The following ENTPD1 variants were observed in gnomAD, a reference collection of about 807,000 sequenced individuals.
The protein encoded by ENTPD1 is ATP diphosphohydrolase.
ENTPD1 carries 33 observed loss-of-function variants against 57.0 expected under a neutral mutation model. The ratio of observed to expected loss-of-function variants is 0.58; its 90% CI spans 0.44 to 0.77. The LOEUF (loss-of-function observed/expected upper bound fraction) is 0.77. Ranked by LOEUF, ENTPD1 falls within the 30% of genes least tolerant of loss-of-function variation. ENTPD1 has a pLI of 0.00. For missense variants in ENTPD1, 501 were observed against 603.4 expected (o/e 0.83, Z 1.78); for synonymous variants, 202 against 218.8 (o/e 0.92, Z 0.68).
chr10:95,808,292 T>C (rs1043440513), intron 1 of ENTPD1, among the ~76,000 whole-genome samples: 1 of 152,206 alleles, frequency 6.6e-6, no homozygotes, highest in Non-Finnish European at 1.5e-5. Context: ...TGGATAAGCT[T>C]TTTGATGTGC....
At chr10:95,795,646 A>G (rs1215477341) in intron 1 of ENTPD1, among the ~76,000 whole-genome samples, 3 of 152,204 alleles carry the variant, frequency 2.0e-5, no homozygotes, top group Admixed American at 2.0e-4. Context: ...TTACGTCTTT[A>G]AAATTTTATC....
chr10:95,872,526 G>A lies in ENTPD1; in HGVS notation c.*6143G>A, dbSNP rs2141030524. 1.0e-6 allele frequency: 1 copy of A among 985,078 alleles called. No homozygotes were observed. The highest frequency in any genetic ancestry group is 4.7e-5 in the South Asian group (1 of 21,278). The allele number at this position is 985,078 out of a possible 1,614,324, so 61.0% of individuals were successfully genotyped here. ...TGTGAAGCCTTCTCCAAATTTCCAA[G>A]TCAGAATGTCTCTTCCTTGTGCTAC... On this transcript the variant is annotated 3_prime_UTR_variant, in exon 10 of 10. Transcript: ENST00000371205.
chr10:95,863,795 C>T (rs934758716), intron 8 of ENTPD1, among the ~76,000 whole-genome samples: 2 of 152,316 alleles, frequency 1.3e-5, no homozygotes, highest in East Asian at 1.9e-4. Flanking sequence ...CCAGATGGTA[C>T]ATGATGCATG....
the ENTPD1 span, among the ~76,000 whole-genome samples, chr10:95,700,875 C>T: frequency 6.6e-6 from 1 of 151,860 alleles, no homozygotes; most frequent in South Asian, 2.1e-4. Context: ...TCACTGCAGC[C>T]TCCACCTCCC....
chr10:95,738,912 T>C (rs960161831), intron 1 of ENTPD1, among the ~76,000 whole-genome samples: 2 of 152,210 alleles, frequency 1.3e-5, no homozygotes, highest in Admixed American at 1.3e-4. Flanking sequence ...TATACACAGG[T>C]ATACTTCAGA....
intron 1 of ENTPD1, among the ~76,000 whole-genome samples, chr10:95,738,569 G>T (rs964697347): frequency 1.3e-5 from 2 of 152,068 alleles, no homozygotes; most frequent in Non-Finnish European, 2.9e-5. Flanking sequence ...GGCAAAATTC[G>T]TCAGAGAAAT....
At chr10:95,771,503 T>C (rs1012088085) in intron 1 of ENTPD1, among the ~76,000 whole-genome samples, 3 of 152,174 alleles carry the variant, frequency 2.0e-5, no homozygotes, top group African/African-American at 7.2e-5. Flanking sequence ...GGTGGCTGAG[T>C]GTGCCCAGTT....
At position 95,876,673 on chromosome 10, in the gene ENTPD1, A is replaced by G. The variant is rs2141044420; in HGVS notation, c.*10290A>G. 8.2e-7 allele frequency: 1 copy of G among 1,220,228 alleles called. No individual in the cohort carries two copies. The highest frequency in any genetic ancestry group is 3.2e-5 in the East Asian group (1 of 31,276). 75.6% of individuals were successfully genotyped at this position (1,220,228 alleles called of 1,614,324 possible). On this transcript the variant is annotated 3_prime_UTR_variant, in exon 10 of 10. Transcript: ENST00000371205. ...TGGACAGGCCATTCTAATAACAGAA[A>G]CAAACAAGTTATTTTAAAACTTATT...
At chr10:95,752,281 A>G (rs2098013246), upstream of ENTPD1, among the ~76,000 whole-genome samples, 1 of 152,200 alleles carries the variant, frequency 6.6e-6, no homozygotes, top group African/African-American at 2.4e-5. Context: ...AAGGTAGACC[A>G]TGGTCTCAAG....
At chr10:95,776,611 T>G (rs1474937031) in intron 1 of ENTPD1, among the ~76,000 whole-genome samples, 1 of 152,172 alleles carries the variant, frequency 6.6e-6, no homozygotes, top group East Asian at 1.9e-4. Flanking sequence ...ATTATGTGTC[T>G]TGGGGTTGCT....
At chr10:95,859,060 A>T (rs1455000128) in intron 7 of ENTPD1, among the ~76,000 whole-genome samples, 2 of 152,214 alleles carry the variant, frequency 1.3e-5, no homozygotes, top group African/African-American at 4.8e-5. Flanking sequence ...TTGGGACTGA[A>T]AGTGGAAGAA....
intron 1 of ENTPD1, among the ~76,000 whole-genome samples, chr10:95,764,843 C>T (rs1243814598): frequency 1.3e-5 from 2 of 151,708 alleles, no homozygotes; most frequent in East Asian, 3.9e-4. Context: ...CTGCCTCAGC[C>T]TCCGGAGTAG....
At chr10:95,854,816 G>A (rs372844526) in intron 7 of ENTPD1, among the ~76,000 whole-genome samples, 1 of 152,140 alleles carries the variant, frequency 6.6e-6, no homozygotes, top group Admixed American at 6.5e-5. Flanking sequence ...TATAATTTCT[G>A]TTCTTTTACA....
chr10:95,817,448 A>G (rs528056027), intron 1 of ENTPD1, among the ~76,000 whole-genome samples: 80 of 152,280 alleles, frequency 5.3e-4, no homozygotes, highest in African/African-American at 1.6e-3. Flanking sequence ...ACAGCCCCCA[A>G]TGGTTCCTTG....
intron 1 of ENTPD1, among the ~76,000 whole-genome samples, chr10:95,733,866 C>T (rs917808474): frequency 6.6e-6 from 1 of 152,106 alleles, no homozygotes; most frequent in African/African-American, 2.4e-5. Flanking sequence ...GCAAGCTTCC[C>T]TAAAGCAATA....
At chr10:95,762,862 AAAT>A (rs1249217052) in intron 1 of ENTPD1, among the ~76,000 whole-genome samples, 1 of 152,044 alleles carries the variant, frequency 6.6e-6, no homozygotes. Context: ...TTTTGTTTTT[AAAT>A]AATTTTATCA....
rs763475281 is a variant in ENTPD1, at chr10:95,873,553, T to G, written c.*7170T>G. On this transcript the variant is annotated 3_prime_UTR_variant, in exon 10 of 10. Transcript: ENST00000371205. ...GAAAGAGTAGGTAGGTTATGCCAGCTCACACGCATCCTTTAAAAATGGTTT... is the reference window on the plus strand; with the variant it reads ...GAAAGAGTAGGTAGGTTATGCCAGCGCACACGCATCCTTTAAAAATGGTTT... 4.2e-5 allele frequency: 41 copies of G among 985,354 alleles called. No individual in the cohort carries two copies. Among genetic ancestry groups the G allele is most frequent in the Non-Finnish European group, 4.9e-5 (41 of 829,962 alleles). The allele number at this position is 985,354 out of a possible 1,614,324, so 61.0% of individuals were successfully genotyped here.
Position 95,869,241 on chromosome 10 carries a change from C to CTTTTTTTTTTTTTTTTTTTTTTTT in ENTPD1, c.*2861_*2884dup, listed in dbSNP as rs11312564. 1.6e-6 allele frequency: 1 copy of CTTTTTTTTTTTTTTTTTTTTTTTT among 629,798 alleles called. No individual in the cohort carries two copies. The highest frequency in any genetic ancestry group is 1.8e-6 in the Non-Finnish European group (1 of 542,294). The allele number at this position is 629,798 out of a possible 1,614,324, so 39.0% of individuals were successfully genotyped here. On this transcript the variant is annotated 3_prime_UTR_variant, in exon 10 of 10. Transcript: ENST00000371205. ...GAAAAAAGATCAGCAGAAGTCATTA[C>CTTTTTTTTTTTTTTTTTTTTTTTT]TTTTTTTTTTTTTTTTTTTTTTTTT...
intron 1 of ENTPD1, among the ~76,000 whole-genome samples, chr10:95,780,452 AC>A (rs1333742423): frequency 1.3e-5 from 2 of 152,250 alleles, no homozygotes; most frequent in East Asian, 3.8e-4. Context: ...AACAGCAATG[AC>A]CTCAAGGTCT....
Sources: allele counts gnomAD v4.1 joint callset (sites outside exome capture counted in the v4.1 genomes callset), GRCh38; gene constraint gnomAD v4.1.1; transcripts MANE v1.5; gene names NCBI Gene and HGNC (gene_info 2026-07-23, HGNC 2026-07-21).